Variants in RBCK1 observed in about 807,000 individuals in gnomAD.
The protein encoded by RBCK1 is ranBP-type and C3HC4-type zinc finger-containing protein 1.
Under a neutral mutation model 71.1 loss-of-function variants are expected in RBCK1, and 44 were observed. That is an observed-to-expected ratio of 0.62 (90% CI 0.49 to 0.80). The LOEUF is 0.80. RBCK1 is among the 30% of genes least tolerant of loss of function. The pLI is 0.00. For missense variants in RBCK1, 569 were observed against 685.0 expected, an observed-to-expected ratio of 0.83 and a Z score of 1.89; for synonymous variants, 306 against 279.7, an observed-to-expected ratio of 1.09 and a Z score of -0.94.
Position 417,604 on chromosome 20 carries a change from G to A in RBCK1, c.246G>A (p.Ala82=), listed in dbSNP as rs148091459. The part of the protein sequence containing the change: ...WLTVRPDMTV[A]SLKDMVFLDY... ...CAGTGCGCCCTGATATGACAGTGGCGTCTCTCAAGGACATGGTGAGTGAGG... is the reference window on the plus strand; with the variant it reads ...CAGTGCGCCCTGATATGACAGTGGCATCTCTCAAGGACATGGTGAGTGAGG... The change falls in exon 3 of 12, where the codon GCG becomes GCA. Residue 82 remains alanine (A), a synonymous_variant. Coordinates refer to ENST00000356286, the MANE Select transcript of RBCK1 (RefSeq NM_031229.4). This position sits in a 1 kb window ranked among gnomAD's most constrained non-coding sequence, Gnocchi z 4.7. 325 of 1,613,834 alleles carry A rather than the reference G, an allele frequency of 2.0e-4. No homozygotes were observed. The highest frequency in any genetic ancestry group is 5.7e-4 in the African/African-American group (43 of 74,924).
chr20:427,697 G>A (rs1416432301), intron 9 of RBCK1, among the ~76,000 whole-genome samples: 3 of 152,102 alleles, frequency 2.0e-5, no homozygotes, highest in Non-Finnish European at 4.4e-5. Flanking sequence ...GCCCCAGATG[G>A]AGCCTCAAAC....
Position 417,039 on chromosome 20 carries a change from G to GAC in RBCK1, c.168-487_168-486insAC, listed in dbSNP as rs200408386. On this transcript the variant is annotated intron_variant, in intron 2 of 11. Transcript: ENST00000356286. This position sits in a 1 kb window ranked among gnomAD's most constrained non-coding sequence, Gnocchi z 4.7. Reference sequence around the variant, plus strand: ...TGAATCCTGCCTCTAACAGTTATTAGTTGCTTAGTTTGGCAGAGTCACTGG... The same window carrying GAC: ...TGAATCCTGCCTCTAACAGTTATTAGACTTGCTTAGTTTGGCAGAGTCACTGG... Among the ~76,000 whole-genome samples, 110 of 152,304 alleles carry GAC rather than the reference G, an allele frequency of 7.2e-4. No individual in the cohort carries two copies. In the East Asian group the frequency reaches 0.017, roughly 24 times the overall value.
Position 410,090 on chromosome 20 carries a change from C to G in RBCK1, c.167+65C>G, listed in dbSNP as rs2015615030. 3 of 1,536,744 alleles carry G rather than the reference C, an allele frequency of 2.0e-6. No individual in the cohort carries two copies. In the East Asian group the frequency reaches 7.0e-5, roughly 36 times the overall value. Reference sequence around the variant, plus strand: ...GGACAGGATATTCTTGCCTGTAGAACAGTTCTTCCTAATGGCACGTTCTGG... The same window carrying G: ...GGACAGGATATTCTTGCCTGTAGAAGAGTTCTTCCTAATGGCACGTTCTGG... On this transcript the variant is annotated intron_variant, in intron 2 of 11. Coordinates refer to ENST00000356286, the MANE Select transcript of RBCK1 (RefSeq NM_031229.4).
At chr20:419,892 T>A in intron 6 of RBCK1, 161 bp downstream of exon 6, 1 of 1,422,720 alleles carries the variant, frequency 7.0e-7, no homozygotes, top group Non-Finnish European at 9.2e-7. Context: ...ACCCTGCACC[T>A]GGCTGTGACC....
Position 422,292 on chromosome 20 carries a change from GC to G in RBCK1, c.1029+57del. On this transcript the variant is annotated intron_variant, in intron 8 of 11. Transcript: ENST00000356286. The surrounding 1 kb of genome is among the most constrained non-coding windows in gnomAD (Gnocchi z 5.0). ...CAAGTCCCAACTCCTAAGGAACTGG[GC>G]CCTGAGCAGGCAGCAGACATCTTTC... is the stretch of plus-strand genomic sequence containing the variant. 2 of 1,420,966 alleles carry G rather than the reference GC, an allele frequency of 1.4e-6. No individual in the cohort carries two copies. The highest frequency in any genetic ancestry group is 2.0e-6 in the Non-Finnish European group (2 of 1,014,370). The allele number at this position is 1,420,966 out of a possible 1,614,324, so 88.0% of individuals were successfully genotyped here.
At chr20:418,020 T>G (rs1474762821) in intron 4 of RBCK1, 90 bp downstream of exon 4, 16 of 1,336,500 alleles carry the variant, frequency 1.2e-5, no homozygotes, top group Admixed American at 2.5e-5. Context: ...GCCCCTGGGT[T>G]TTTAGTCAGG....
rs1300929384 is a variant in RBCK1, at chr20:420,600, C to A, written c.757-271C>A. ...GTGGCTACCTGGCCGGCCTCCCCTCCCTTGGCTTCCCCACCTCCACCTGGC... is the reference window on the plus strand; with the variant it reads ...GTGGCTACCTGGCCGGCCTCCCCTCACTTGGCTTCCCCACCTCCACCTGGC... On this transcript the variant is annotated intron_variant, in intron 6 of 11. Coordinates refer to ENST00000356286, the MANE Select transcript of RBCK1 (RefSeq NM_031229.4). 4 of 978,624 alleles carry A rather than the reference C, an allele frequency of 4.1e-6. No homozygotes were observed. The African/African-American group carries it at 7.2e-5, about 18-fold the overall frequency. 60.6% of individuals were successfully genotyped at this position (978,624 alleles called of 1,614,324 possible).
intron 8 of RBCK1, among the ~76,000 whole-genome samples, chr20:425,054 A>G (rs1180955271): frequency 6.6e-6 from 1 of 151,500 alleles, no homozygotes; most frequent in Non-Finnish European, 1.5e-5. Context: ...TCTGTCATCC[A>G]GGCTGGAGTG....
At chr20:412,515 AC>A (rs1290179645) in intron 2 of RBCK1, among the ~76,000 whole-genome samples, 2 of 152,054 alleles carry the variant, frequency 1.3e-5, no homozygotes, top group African/African-American at 4.8e-5. Context: ...GACGGGTCTT[AC>A]CATGTTGGCC....
At chr20:413,139 A>G (rs1423147525) in intron 2 of RBCK1, among the ~76,000 whole-genome samples, 2 of 152,232 alleles carry the variant, frequency 1.3e-5, no homozygotes, top group African/African-American at 4.8e-5. Flanking sequence ...CCATTGAACT[A>G]TAATATATAT....
chr20:410,050 A>G (rs1351609456), intron 2 of RBCK1, 25 bp downstream of exon 2: 2 of 1,606,982 alleles, frequency 1.2e-6, no homozygotes, highest in East Asian at 4.5e-5. Flanking sequence ...GCTGGCCTGA[A>G]CCCAAGGGAC....
In RBCK1 at chr20:431,775, G is replaced by A. The variant is rs1284520544; in HGVS notation, c.*1345G>A. ...CTGCATTGGCTCAGGGCAGTCAACC[G>A]TCGCAGAGGATGAGGGGCACACTCA... On this transcript the variant is annotated 3_prime_UTR_variant, in exon 12 of 12. Transcript: ENST00000356286. This position sits in a 1 kb window ranked among gnomAD's most constrained non-coding sequence, Gnocchi z 4.8. 1.3e-5 allele frequency among the ~76,000 whole-genome samples: 2 copies of A among 152,222 alleles called. No individual in the cohort carries two copies. The highest frequency in any genetic ancestry group is 1.9e-4 in the East Asian group (1 of 5,202).
At position 430,721 on chromosome 20, in the gene RBCK1, C is replaced by T. The variant is rs891573916; in HGVS notation, c.*291C>T. ...CCTCTGTGTGACTCCATACTCCTCCCACCACAACACTCATCTGTCAAACAC... is the reference window on the plus strand; with the variant it reads ...CCTCTGTGTGACTCCATACTCCTCCTACCACAACACTCATCTGTCAAACAC... On this transcript the variant is annotated 3_prime_UTR_variant, in exon 12 of 12. Coordinates refer to ENST00000356286, the MANE Select transcript of RBCK1 (RefSeq NM_031229.4). The surrounding 1 kb of genome is among the most constrained non-coding windows in gnomAD (Gnocchi z 5.6). 2 of 459,336 alleles carry T rather than the reference C, an allele frequency of 4.4e-6. No individual in the cohort carries two copies. Among genetic ancestry groups the T allele is most frequent in the Admixed American group, 3.6e-5 (1 of 27,436 alleles). 28.5% of individuals were successfully genotyped at this position (459,336 alleles called of 1,614,324 possible).
rs988235641 is a variant in RBCK1, at chr20:430,779, C to T, written c.*349C>T. On this transcript the variant is annotated 3_prime_UTR_variant, in exon 12 of 12. Coordinates refer to ENST00000356286, the MANE Select transcript of RBCK1 (RefSeq NM_031229.4). This position sits in a 1 kb window ranked among gnomAD's most constrained non-coding sequence, Gnocchi z 5.6. ...TCTCAGCCTCCCCGCCTTCAGCTGTCAGCTTTCTGGGGCTAACTTCTCTGC... is the reference window on the plus strand; with the variant it reads ...TCTCAGCCTCCCCGCCTTCAGCTGTTAGCTTTCTGGGGCTAACTTCTCTGC... The T allele has an allele frequency of 7.4e-6, 2 of 272,034 alleles. No individual in the cohort carries two copies. The highest frequency in any genetic ancestry group is 5.0e-5 in the Admixed American group (1 of 20,132). The allele number at this position is 272,034 out of a possible 1,614,324, so 16.9% of individuals were successfully genotyped here. A position where few individuals can be genotyped will look rare whatever the true frequency, so the allele number is the denominator to read the frequency against.
rs2016790904 is a variant in RBCK1, at chr20:427,438, T to C, written c.1155T>C (p.Asp385=). The C allele has an allele frequency of 6.2e-7, 1 of 1,614,138 alleles. No homozygotes were observed. The highest frequency in any genetic ancestry group is 8.5e-7 in the Non-Finnish European group (1 of 1,180,026). Residue 385 remains aspartate (D), a synonymous_variant, in exon 9 of 12, where the codon GAT becomes GAC. Coordinates refer to ENST00000356286, the MANE Select transcript of RBCK1 (RefSeq NM_031229.4). ...AGGGATGGTGCTTCTTTGAGGATGA[T>C]GTCAATGAGTTCACCTGCCCTGTGT... ...DCKGWCFFED[D]VNEFTCPVCF...
chr20:411,278 A>T (rs997170563), intron 2 of RBCK1, among the ~76,000 whole-genome samples: 1 of 151,612 alleles, frequency 6.6e-6, no homozygotes, highest in African/African-American at 2.4e-5. Context: ...ATCATCGCTC[A>T]CTACAGCCTC....
Position 408,723 on chromosome 20 carries a change from G to A in RBCK1, c.-35G>A, listed in dbSNP as rs1487504153. On this transcript the variant is annotated 5_prime_UTR_variant, in exon 1 of 12. Coordinates refer to ENST00000356286, the MANE Select transcript of RBCK1 (RefSeq NM_031229.4). ...GGAGGTAGCATTTCCCAGGAGGCAC[G>A]GTCCCCCCCAGGGGGATGGGCACAG... 6.2e-7 allele frequency: 1 copy of A among 1,611,460 alleles called. No individual in the cohort carries two copies. The highest frequency in any genetic ancestry group is 8.5e-7 in the Non-Finnish European group (1 of 1,179,258).
At chr20:429,698 G>A (rs924588672) in intron 11 of RBCK1, among the ~76,000 whole-genome samples, 1 of 152,236 alleles carries the variant, frequency 6.6e-6, no homozygotes. Flanking sequence ...CAGAGGCAGA[G>A]GCCGTATGGC....
intron 8 of RBCK1, among the ~76,000 whole-genome samples, chr20:427,058 C>G (rs1048530774): frequency 1.3e-5 from 2 of 151,914 alleles, no homozygotes; most frequent in African/African-American, 4.8e-5. Context: ...TGGTCTGAAA[C>G]TCTTGGCCTC....
Sources: gnomAD v4.1 joint callset for allele counts (sites outside exome capture counted in the v4.1 genomes callset) on GRCh38, gnomAD v4.1.1 for gene constraint, Gnocchi (gnomAD v3.1) non-coding constraint, MANE v1.5 for transcripts, NCBI Gene and HGNC (gene_info 2026-07-23, HGNC 2026-07-21) for gene names.